The following ATF7IP variants were observed in gnomAD, a reference collection of about 807,000 sequenced individuals.
ATF7IP encodes the protein activating transcription factor 7 interacting protein, also known as activating transcription factor 7-interacting protein 1.
In ATF7IP, 23 loss-of-function variants were observed where a neutral mutation model predicts 106.4. The ratio of observed to expected loss-of-function variants is 0.22; its 90% CI spans 0.16 to 0.31. The LOEUF is 0.31. Ranked by LOEUF, ATF7IP falls within the 10% of genes least tolerant of loss-of-function variation. ATF7IP has a pLI of 1.00. For missense variants in ATF7IP, 1,334 were observed against 1,524.3 expected, an observed-to-expected ratio of 0.88 and a Z score of 2.08; for synonymous variants, 542 against 539.0, an observed-to-expected ratio of 1.01 and a Z score of -0.08.
chr12:14,432,285 GTC>G (rs1447143946), intron 2 of ATF7IP, among the ~76,000 whole-genome samples: 1 of 152,138 alleles, frequency 6.6e-6, no homozygotes, highest in Admixed American at 6.5e-5. Flanking sequence ...CAGTTACTCT[GTC>G]TCTCTGGAAA....
intron 9 of ATF7IP, among the ~76,000 whole-genome samples, chr12:14,465,391 A>G (rs1264406802): frequency 6.6e-6 from 1 of 151,974 alleles, no homozygotes; most frequent in African/African-American, 2.4e-5. Context: ...GTAATCACTG[A>G]TATTTTGGTA....
chr12:14,409,358 TATC>T lies in ATF7IP; in HGVS notation c.-7-14545_-7-14543del, dbSNP rs531909415. On this transcript the variant is annotated intron_variant, in intron 1 of 14. Coordinates refer to ENST00000261168, the MANE Select transcript of ATF7IP (RefSeq NM_018179.5). ...GAAGTATACCTCATTTAAAAACATT[TATC>T]ATCATTAATTACATATAAGGCCTTT... Among the ~76,000 whole-genome samples, 187 of 152,252 alleles carry T rather than the reference TATC, an allele frequency of 1.2e-3. 2 individuals carry two copies. Among genetic ancestry groups the T allele is most frequent in the African/African-American group, 4.3e-3 (179 of 41,568 alleles).
chr12:14,488,817 C>A (rs1210472016), intron 13 of ATF7IP, among the ~76,000 whole-genome samples: 2 of 150,764 alleles, frequency 1.3e-5, no homozygotes, highest in Non-Finnish European at 2.9e-5. Flanking sequence ...ATAAAGTTAA[C>A]AATACTTAAA....
intron 10 of ATF7IP, among the ~76,000 whole-genome samples, chr12:14,470,892 A>G (rs996848455): frequency 6.6e-6 from 1 of 152,218 alleles, no homozygotes; most frequent in Non-Finnish European, 1.5e-5. Context: ...ATAATTTATC[A>G]TTAGGTCATT....
chr12:14,450,989 G>A (rs1379995136), intron 6 of ATF7IP, among the ~76,000 whole-genome samples: 3 of 151,814 alleles, frequency 2.0e-5, no homozygotes, highest in African/African-American at 7.3e-5. Flanking sequence ...TGGCCAGGGT[G>A]GTCTTGAACT....
intron 13 of ATF7IP, among the ~76,000 whole-genome samples, chr12:14,490,861 T>C (rs113823115): frequency 2.6e-5 from 4 of 152,190 alleles, no homozygotes; most frequent in Middle Eastern, 3.2e-3. Context: ...ACCCACTTTA[T>C]GGCTAAGTGG....
intron 1 of ATF7IP, among the ~76,000 whole-genome samples, chr12:14,385,553 CAGTACAT>C (rs779656346): frequency 3.9e-5 from 6 of 152,072 alleles, no homozygotes; most frequent in Non-Finnish European, 8.8e-5. Context: ...ATTATGGAAA[CAGTACAT>C]AGCATGGTGG....
intron 6 of ATF7IP, among the ~76,000 whole-genome samples, chr12:14,454,056 T>G (rs1482658041): frequency 1.3e-5 from 2 of 152,216 alleles, no homozygotes; most frequent in African/African-American, 4.8e-5. Flanking sequence ...ATTTGTATGC[T>G]TGTTGAAATT....
chr12:14,486,668 C>T (rs540856522), intron 13 of ATF7IP, among the ~76,000 whole-genome samples: 1 of 152,208 alleles, frequency 6.6e-6, no homozygotes, highest in East Asian at 1.9e-4. Flanking sequence ...TGCTAGAGCT[C>T]TATACAAGTC....
At chr12:14,404,758 G>A (rs1940464049) in intron 1 of ATF7IP, among the ~76,000 whole-genome samples, 1 of 152,076 alleles carries the variant, frequency 6.6e-6, no homozygotes, top group Non-Finnish European at 1.5e-5. Context: ...CAACTTACAT[G>A]AACAGGTTTA....
chr12:14,488,089 A>G (rs909396256), intron 13 of ATF7IP, among the ~76,000 whole-genome samples: 3 of 152,100 alleles, frequency 2.0e-5, no homozygotes, highest in Non-Finnish European at 4.4e-5. Flanking sequence ...CCCAAAATCA[A>G]TGAAAGAACT....
At chr12:14,372,148 T>C (rs902103456) in intron 1 of ATF7IP, among the ~76,000 whole-genome samples, 9 of 152,162 alleles carry the variant, frequency 5.9e-5, no homozygotes, top group African/African-American at 2.2e-4. Flanking sequence ...GCCAAGAGTA[T>C]TTAAACATTA....
rs1278887117 is a variant in ATF7IP, at chr12:14,500,705, AT to A, written c.*2637del. Reference sequence around the variant, plus strand: ...CCTACAAAAGGTTCTCTTGATGAACATTTTTATTTATATTTACTAATCTTTT... The same window carrying A: ...CCTACAAAAGGTTCTCTTGATGAACATTTTATTTATATTTACTAATCTTTT... On this transcript the variant is annotated 3_prime_UTR_variant, in exon 15 of 15. Transcript: ENST00000261168. The A allele has an allele frequency of 1.3e-5, 2 of 152,190 alleles. No individual in the cohort carries two copies. The highest frequency in any genetic ancestry group is 2.9e-5 in the Non-Finnish European group (2 of 68,026). 9.4% of individuals were successfully genotyped at this position (152,190 alleles called of 1,614,324 possible).
chr12:14,482,029 A>G (rs1424292861), intron 13 of ATF7IP: 4 of 152,338 alleles, frequency 2.6e-5, no homozygotes, highest in African/African-American at 9.6e-5. Context: ...AAGCTTATAT[A>G]AAAGGTATAT....
At chr12:14,421,469 C>G (rs1193815514) in intron 1 of ATF7IP, among the ~76,000 whole-genome samples, 1 of 152,178 alleles carries the variant, frequency 6.6e-6, no homozygotes, top group African/African-American at 2.4e-5. Flanking sequence ...CCAGGCCTCT[C>G]TCCTAGCTTC....
chr12:14,465,940 T>A (rs1053285655), intron 9 of ATF7IP, among the ~76,000 whole-genome samples: 1 of 152,146 alleles, frequency 6.6e-6, no homozygotes, highest in East Asian at 1.9e-4. Context: ...ATTTAATACA[T>A]TCTCTCTTTT....
intron 1 of ATF7IP, among the ~76,000 whole-genome samples, chr12:14,398,254 T>C (rs781255629): frequency 6.6e-5 from 10 of 152,016 alleles, no homozygotes; most frequent in Non-Finnish European, 1.2e-4. Flanking sequence ...GTTTTTGAGT[T>C]TGTGTTTTTT....
intron 1 of ATF7IP, among the ~76,000 whole-genome samples, chr12:14,410,744 A>AATGT (rs3983702): frequency 0.097 from 14,744 of 151,712 alleles, 829 homozygotes; most frequent in African/African-American, 0.17. Flanking sequence ...TTATAAGTTA[A>AATGT]ATGTATGTAT....
At chr12:14,458,027 T>A (rs1218880442) in intron 8 of ATF7IP, among the ~76,000 whole-genome samples, 1 of 150,978 alleles carries the variant, frequency 6.6e-6, no homozygotes, top group Admixed American at 6.6e-5. Context: ...ACCCGGGAAG[T>A]GGAGTTTGCG....
Sources: allele counts gnomAD v4.1 joint callset (sites outside exome capture counted in the v4.1 genomes callset), GRCh38; gene constraint gnomAD v4.1.1; transcripts MANE v1.5; gene names NCBI Gene and HGNC (gene_info 2026-07-23, HGNC 2026-07-21).